LGI4: variants seen among roughly 807,000 people sequenced by gnomAD.
LGI4 encodes the protein leucine rich repeat LGI family member 4.
Under a neutral mutation model 48.3 loss-of-function variants are expected in LGI4, and 36 were observed. The ratio of observed to expected loss-of-function variants is 0.75; its 90% CI spans 0.57 to 0.98. The LOEUF is 0.98. Among genes scored for constraint, LGI4 ranks in the 50% least tolerant of loss-of-function variants. LGI4 has a pLI of 0.00. For synonymous variants in LGI4, 355 were observed against 331.6 expected (o/e 1.07, Z -0.77); for missense variants, 701 against 732.1 (o/e 0.96, Z 0.49).
rs759669979 is a variant in LGI4 at position 35,131,450 on chromosome 19, G to A, written c.564C>T (p.Pro188=). The A allele has an allele frequency of 5.8e-6, 9 of 1,552,178 alleles. No homozygotes were observed. Among genetic ancestry groups the A allele is most frequent in the South Asian group, 4.8e-5 (4 of 84,134 alleles). The change falls in exon 6 of 9, where the codon CCC becomes CCT. Residue 188 remains proline, a synonymous_variant. Transcript: ENST00000310123. Reference sequence around the variant, plus strand: ...GGAGCTGCATGTGGCTCAGGGAGGCGGGGCCCGCACAGGCGCCGGTCCCCA... The same window carrying A: ...GGAGCTGCATGTGGCTCAGGGAGGCAGGGCCCGCACAGGCGCCGGTCCCCA... ...ASVGTGACAG[P]ASLSHMQLHH... is the part of the protein sequence containing the mutation.
At chr19:35,126,008 G>T in intron 8 of LGI4, 1 of 575,522 alleles carries the variant, frequency 1.7e-6, no homozygotes, top group Non-Finnish European at 3.1e-6. Flanking sequence ...AGGTGTGGCT[G>T]TGGTGAAGTC....
intron 4 of LGI4, 53 bp downstream of exon 4, chr19:35,131,918 G>A: frequency 1.9e-6 from 3 of 1,567,570 alleles, no homozygotes; most frequent in Non-Finnish European, 2.6e-6. Flanking sequence ...TGTTCCCTGG[G>A]GGGTGGAGCA....
rs1441863157 is a variant in LGI4, at chr19:35,133,749, G to A, written c.258C>T (p.Asn86=). Reference sequence around the variant, plus strand: ...CATCGTCCTCAATCACGGAGAAGGAGTTGGAGGTGAAGAGGCTGGCAAGGG... The same window carrying A: ...CATCGTCCTCAATCACGGAGAAGGAATTGGAGGTGAAGAGGCTGGCAAGGG... The part of the protein sequence containing the change: ...PSLHLLLFTS[N]SFSVIEDDAF... The change falls in exon 3 of 9, where the codon AAC becomes AAT. Residue 86 remains asparagine (N), a synonymous_variant. Transcript: ENST00000310123. 2.5e-6 allele frequency: 4 copies of A among 1,608,926 alleles called. No individual in the cohort carries two copies. Among genetic ancestry groups the A allele is most frequent in the African/African-American group, 1.3e-5 (1 of 74,986 alleles).
intron 6 of LGI4, chr19:35,130,977 G>A: frequency 1.9e-6 from 1 of 514,760 alleles, no homozygotes; most frequent in Non-Finnish European, 3.5e-6. Context: ...GCACTGCCCA[G>A]TATCCTAAAA....
chr19:35,129,048 T>C (rs1568395011), intron 6 of LGI4, among the ~76,000 whole-genome samples: 1 of 152,184 alleles, frequency 6.6e-6, no homozygotes, highest in African/African-American at 2.4e-5. Context: ...ATAGCACACA[T>C]TGATCTGTGC....
Position 35,134,918 on chromosome 19 carries a change from CTG to C in LGI4, c.-240_-239del, listed in dbSNP as rs1229529410. ...TCTTTCTGTCTCTGTATTTTTGACT[CTG>C]TGTGTTAGTCTGTTTCTATTTCTGT... is the stretch of plus-strand genomic sequence containing the variant. On this transcript the variant is annotated 5_prime_UTR_variant, in exon 1 of 9. Coordinates refer to ENST00000310123, the MANE Select transcript of LGI4 (RefSeq NM_139284.3). 3 of 522,244 alleles carry C rather than the reference CTG, an allele frequency of 5.7e-6. No individual in the cohort carries two copies. Among genetic ancestry groups the C allele is most frequent in the African/African-American group, 4.0e-5 (2 of 50,154 alleles). 32.4% of individuals were successfully genotyped at this position (522,244 alleles called of 1,614,324 possible). A position where few individuals can be genotyped will look rare whatever the true frequency, so the allele number is the denominator to read the frequency against.
At chr19:35,131,728 T>A in intron 5 of LGI4, 61 bp downstream of exon 5, 1 of 1,433,304 alleles carries the variant, frequency 7.0e-7, no homozygotes, top group Non-Finnish European at 9.6e-7. Context: ...TGGGCACGGA[T>A]GCCCCCCGCC....
At chr19:35,134,383 C>A in intron 1 of LGI4, 128 bp downstream of exon 1, 1 of 994,406 alleles carries the variant, frequency 1.0e-6, no homozygotes, top group Non-Finnish European at 1.5e-6. Context: ...TCCCGACAGG[C>A]TTTGCTGCCC....
chr19:35,126,972 T>G lies in LGI4; in HGVS notation c.674A>C (p.Glu225Ala), dbSNP rs1162988199. The G allele has an allele frequency of 6.2e-7, 1 of 1,611,778 alleles. No individual in the cohort carries two copies. The highest frequency in any genetic ancestry group is 8.5e-7 in the Non-Finnish European group (1 of 1,178,764). ...AGGCTCCCCTTGGTAGGAGAAGGGC[T>G]CTACGCTCAGTGCCGACTCCCCCAC... ...QTVGESALSV[E>A]PFSYQGEPHI... The change falls in exon 7 of 9, where the codon GAG becomes GCG. Residue 225 changes from glutamate (E) to alanine (A), a missense_variant. Physicochemically the swap from Glu to Ala is moderately radical, Grantham distance 107. Transcript: ENST00000310123.
At position 35,134,521 on chromosome 19, in the gene LGI4, G is replaced by T; in HGVS notation, c.160C>A (p.Leu54Met). 6.3e-7 allele frequency: 1 copy of T among 1,581,802 alleles called. No homozygotes were observed. Among genetic ancestry groups the T allele is most frequent in the Non-Finnish European group, 8.6e-7 (1 of 1,164,398 alleles). ...PDLPVSFSPTLLSLSLVRTGV... is the reference protein window; with the variant it reads ...PDLPVSFSPTMLSLSLVRTGV... The stretch of plus-strand genomic sequence containing the variant: ...AGGCTGGACACTCACAGTGACAGCA[G>T]GGTCGGAGAGAAGCTGACGGGCAGG... Residue 54 changes from leucine (L) to methionine (M), a missense_variant, in exon 1 of 9, where the codon CTG (leucine) becomes ATG (methionine). By Grantham distance (15) the Leu-to-Met change is conservative (BLOSUM62 2). Transcript: ENST00000310123.
chr19:35,126,603 G>A lies in LGI4; in HGVS notation c.966C>T (p.Leu322=). Residue 322 remains leucine (L), a synonymous_variant, in exon 8 of 9, where the codon CTC becomes CTT. Coordinates refer to ENST00000310123, the MANE Select transcript of LGI4 (RefSeq NM_139284.3). ...AGCAGGGTTGCCCTTCCAGCCACAG[G>A]AGCTCGGCGTCATTGGGCCGCAGCA... The part of the protein sequence containing the change: ...RRLLRPNDAE[L]LWLEGQPCFV... 1 of 1,542,126 alleles carries A rather than the reference G, an allele frequency of 6.5e-7. No individual in the cohort carries two copies. The highest frequency in any genetic ancestry group is 8.7e-7 in the Non-Finnish European group (1 of 1,149,814).
chr19:35,131,607 G>A (rs770999445), intron 5 of LGI4, 52 bp from the exon 6 acceptor site: 345 of 1,529,450 alleles, frequency 2.3e-4, no homozygotes, highest in East Asian at 4.7e-4. Context: ...CGCCCTGGGG[G>A]CCATGCTCCT....
At position 35,131,546 on chromosome 19, in the gene LGI4, G is replaced by T. The variant is rs539883993; in HGVS notation, c.468C>A (p.Arg156=). 38 of 1,550,596 alleles carry T rather than the reference G, an allele frequency of 2.5e-5. No individual in the cohort carries two copies. The South Asian group carries it at 3.7e-4, about 15-fold the overall frequency. ...GLDTLTHVDL[R]GNPFQCDCRV... is the part of the protein sequence containing the mutation. ...GGCAGTCACACTGGAACGGGTTCCC[G>T]CGGAGGTCCCTGGGGCAAGAGGCCA... The change falls in exon 6 of 9, where the codon CGC becomes CGA. Residue 156 remains arginine, a synonymous_variant. Transcript: ENST00000310123.
intron 5 of LGI4, 64 bp from the exon 6 acceptor site, chr19:35,131,619 C>T (rs2065175655): frequency 1.3e-6 from 2 of 1,514,518 alleles, no homozygotes; most frequent in East Asian, 2.5e-5. Context: ...CATGCTCCTG[C>T]CCCCACCTCA....
chr19:35,127,069 T>C (rs1008499257), intron 6 of LGI4, 52 bp from the exon 7 acceptor site: 3 of 1,503,792 alleles, frequency 2.0e-6, no homozygotes, highest in East Asian at 2.3e-5. Context: ...AGGGTCCTCA[T>C]TGCTGAGCCT....
At position 35,126,349 on chromosome 19, in the gene LGI4, T is replaced by C. The variant is rs761059380; in HGVS notation, c.1220A>G (p.Glu407Gly). ...FERRTDIPEAEDVYATRHFQA... is the reference protein window; with the variant it reads ...FERRTDIPEAGDVYATRHFQA... ...GAAGTGGCGTGTGGCATAGACATCC[T>C]CGGCCTCGGGGATGTCTGTGCGTCT... Residue 407 changes from glutamate to glycine, a missense_variant, in exon 8 of 9, where the codon GAG becomes GGG. By Grantham distance (98) the Glu-to-Gly change is moderately conservative. This residue lies in a region of LGI4 where 223 missense variants were observed against 263.3 expected (regional missense o/e 0.85). Transcript: ENST00000310123. 2.5e-6 allele frequency: 4 copies of C among 1,611,504 alleles called. No individual in the cohort carries two copies. The highest frequency in any genetic ancestry group is 3.4e-6 in the Non-Finnish European group (4 of 1,179,446).
intron 6 of LGI4, 76 bp downstream of exon 6, chr19:35,131,310 G>C: frequency 6.6e-7 from 1 of 1,518,714 alleles, no homozygotes; most frequent in Non-Finnish European, 8.9e-7. Flanking sequence ...AGGGCAGGGA[G>C]TGAGACGAGC....
At chr19:35,129,314 G>A (rs1163180872) in intron 6 of LGI4, among the ~76,000 whole-genome samples, 1 of 151,264 alleles carries the variant, frequency 6.6e-6, no homozygotes, top group African/African-American at 2.4e-5. Context: ...TAATAATTAT[G>A]TATGCATATA....
Position 35,126,589 on chromosome 19 carries a change from C to T in LGI4, c.980G>A (p.Gly327Glu). The T allele has an allele frequency of 6.5e-7, 1 of 1,541,162 alleles. No individual in the cohort carries two copies. Residue 327 changes from glycine (G) to glutamate (E), a missense_variant, in exon 8 of 9, where the codon GGG (glycine) becomes GAG (glutamate). By Grantham distance (98) the Gly-to-Glu change is moderately conservative (BLOSUM62 -2). Coordinates refer to ENST00000310123, the MANE Select transcript of LGI4 (RefSeq NM_139284.3). Reference protein sequence around the residue: ...PNDAELLWLEGQPCFVVADAS... With the variant: ...PNDAELLWLEEQPCFVVADAS... ...ATCGGCCACCACGAAGCAGGGTTGC[C>T]CTTCCAGCCACAGGAGCTCGGCGTC...
Sources: gnomAD v4.1 joint callset for allele counts (sites outside exome capture counted in the v4.1 genomes callset) on GRCh38, gnomAD v4.1.1 for gene constraint, gnomAD v4.1.1 regional missense constraint, MANE v1.5 for transcripts, NCBI Gene and HGNC (gene_info 2026-07-23, HGNC 2026-07-21) for gene names.